LAMA2: variants seen among roughly 807,000 people sequenced by gnomAD.
LAMA2 encodes the protein laminin subunit alpha-2.
Under a neutral mutation model 364.8 loss-of-function variants are expected in LAMA2, and 269 were observed. The observed-to-expected ratio is 0.74, with a 90% CI of 0.67 to 0.82. The LOEUF is 0.82. Among genes scored for constraint, LAMA2 ranks in the 40% least tolerant of loss-of-function variants. The probability of loss-of-function intolerance (pLI) is 0.00; values close to 1 mark genes in which losing one functional copy is unlikely to be tolerated. For missense variants in LAMA2, 3,807 were observed against 3,873.2 expected, an observed-to-expected ratio of 0.98 and a Z score of 0.45; for synonymous variants, 1,379 against 1,370.6, an observed-to-expected ratio of 1.01 and a Z score of -0.14.
At chr6:129,194,183 A>G (rs1226975329) in intron 12 of LAMA2, among the ~76,000 whole-genome samples, 1 of 152,098 alleles carries the variant, frequency 6.6e-6, no homozygotes, top group Admixed American at 6.5e-5. Flanking sequence ...AAAATTGCCA[A>G]AAAAATATAA....
At chr6:128,973,882 C>T (rs950951539) in intron 1 of LAMA2, among the ~76,000 whole-genome samples, 52 of 152,234 alleles carry the variant, frequency 3.4e-4, no homozygotes, top group African/African-American at 1.2e-3. Flanking sequence ...GGATGGAGTT[C>T]GTGCTTTGTG....
chr6:129,344,276 A>G (rs937768520), intron 30 of LAMA2, among the ~76,000 whole-genome samples: 2 of 152,224 alleles, frequency 1.3e-5, no homozygotes, highest in Non-Finnish European at 2.9e-5. Context: ...AGTAGGTAAT[A>G]GTAATAAGAA....
intron 45 of LAMA2, among the ~76,000 whole-genome samples, chr6:129,447,762 G>T (rs991575526): frequency 2.6e-5 from 4 of 152,168 alleles, no homozygotes; most frequent in Non-Finnish European, 4.4e-5. Context: ...AGAAGAACGT[G>T]ATGTACCACT....
intron 27 of LAMA2, among the ~76,000 whole-genome samples, chr6:129,317,100 C>T (rs1406273638): frequency 6.6e-6 from 1 of 152,068 alleles, no homozygotes; most frequent in Non-Finnish European, 1.5e-5. Flanking sequence ...ACATCATGGA[C>T]CCTCATGGTC....
intron 1 of LAMA2, among the ~76,000 whole-genome samples, chr6:128,951,549 T>C (rs1206942463): frequency 6.6e-6 from 1 of 152,178 alleles, no homozygotes; most frequent in Non-Finnish European, 1.5e-5. Flanking sequence ...ATCAAGCCAG[T>C]CCACTGAACT....
rs532544626 is a variant in LAMA2, at chr6:129,066,596, A to G, written c.396+6700A>G. On this transcript the variant is annotated intron_variant, in intron 3 of 64. Coordinates refer to ENST00000421865, the MANE Select transcript of LAMA2 (RefSeq NM_000426.4). ...AATAAAAATAAATCCTAAATATTTT[A>G]TGGAACCACAAAAGGTGCTAAAGCA... is the stretch of plus-strand genomic sequence containing the variant. 6.2e-5 allele frequency among the ~76,000 whole-genome samples: 5 copies of G among 80,854 alleles called. No homozygotes were observed. In the South Asian group the frequency reaches 2.4e-3, roughly 39 times the overall value. 53.0% of individuals were successfully genotyped at this position (80,854 alleles called of 152,430 possible).
intron 22 of LAMA2, among the ~76,000 whole-genome samples, chr6:129,301,786 A>G (rs985119952): frequency 2.0e-5 from 3 of 152,030 alleles, no homozygotes; most frequent in African/African-American, 4.8e-5. Context: ...CTTGTGCCCC[A>G]TTGCAGTGAA....
At chr6:129,408,296 T>G (rs1028209054) in intron 40 of LAMA2, among the ~76,000 whole-genome samples, 1 of 152,170 alleles carries the variant, frequency 6.6e-6, no homozygotes, top group Non-Finnish European at 1.5e-5. Flanking sequence ...TATTGTCACC[T>G]AGTTGGCATT....
chr6:129,493,499 T>C (rs1784991872), intron 58 of LAMA2, among the ~76,000 whole-genome samples: 1 of 152,224 alleles, frequency 6.6e-6, no homozygotes, highest in South Asian at 2.1e-4. Flanking sequence ...CTATTTCTGT[T>C]TCCTCATCTG....
chr6:129,335,356 GTAGATAGATAGATAGA>G (rs35228622), intron 29 of LAMA2, among the ~76,000 whole-genome samples: 25 of 148,482 alleles, frequency 1.7e-4, no homozygotes, highest in Middle Eastern at 3.5e-3. Context: ...TAGTAAGTAG[GTAGATAGATAGATAGA>G]TAGATAGATA....
intron 9 of LAMA2, among the ~76,000 whole-genome samples, chr6:129,174,831 C>T (rs1474881334): frequency 6.7e-6 from 1 of 149,526 alleles, no homozygotes; most frequent in Non-Finnish European, 1.5e-5. Context: ...ATCTATCTAC[C>T]TACCTACCTA....
intron 1 of LAMA2, among the ~76,000 whole-genome samples, chr6:128,889,785 G>T (rs1374009973): frequency 1.3e-5 from 2 of 152,150 alleles, no homozygotes; most frequent in Non-Finnish European, 2.9e-5. Context: ...AAAGACATTT[G>T]CTTGTCAAAG....
intron 12 of LAMA2, among the ~76,000 whole-genome samples, chr6:129,242,006 G>A (rs893883750): frequency 5.3e-5 from 8 of 152,074 alleles, no homozygotes; most frequent in South Asian, 2.1e-4. Context: ...TGGGAAATAC[G>A]TTGTCTGCTA....
intron 47 of LAMA2, 38 bp downstream of exon 47, chr6:129,454,326 A>G: frequency 6.5e-7 from 1 of 1,537,324 alleles, no homozygotes; most frequent in East Asian, 2.3e-5. Flanking sequence ...ATTAAATGAT[A>G]GAATTTTGAA....
rs540462938 is a variant in LAMA2 at position 128,985,887 on chromosome 6, T to C, written c.113-64031T>C. 2.6e-5 allele frequency among the ~76,000 whole-genome samples: 4 copies of C among 152,318 alleles called. No homozygotes were observed. In the East Asian group the frequency reaches 7.7e-4, roughly 29 times the overall value. On this transcript the variant is annotated intron_variant, in intron 1 of 64. Coordinates refer to ENST00000421865, the MANE Select transcript of LAMA2 (RefSeq NM_000426.4). The stretch of plus-strand genomic sequence containing the variant: ...TTCATCCCATCAAATATTGACAAGC[T>C]ATTATTCTTTTACTATATATTGGCT...
intron 32 of LAMA2, among the ~76,000 whole-genome samples, chr6:129,355,678 T>A (rs562475356): frequency 2.6e-5 from 4 of 152,246 alleles, no homozygotes; most frequent in Admixed American, 2.6e-4. Context: ...GCAGTGCTTG[T>A]TGTTAGTATA....
chr6:129,284,661 G>A (rs546025115), intron 18 of LAMA2, among the ~76,000 whole-genome samples: 88 of 152,156 alleles, frequency 5.8e-4, no homozygotes, highest in African/African-American at 2.1e-3. Context: ...CTGAAAAAAT[G>A]ATGGGGCAGA....
chr6:129,102,347 G>C (rs960262646), intron 4 of LAMA2, among the ~76,000 whole-genome samples: 1 of 151,804 alleles, frequency 6.6e-6, no homozygotes, highest in African/African-American at 2.4e-5. Flanking sequence ...ATGTTGGTCA[G>C]GATGGTCTCG....
At chr6:128,887,617 G>A (rs1043602571) in intron 1 of LAMA2, among the ~76,000 whole-genome samples, 3 of 151,998 alleles carry the variant, frequency 2.0e-5, no homozygotes, top group South Asian at 4.2e-4. Flanking sequence ...TCCTGTAATC[G>A]CAGCACTTTG....
Sources: allele counts gnomAD v4.1 joint callset (sites outside exome capture counted in the v4.1 genomes callset), GRCh38; gene constraint gnomAD v4.1.1; transcripts MANE v1.5; gene names NCBI Gene and HGNC (gene_info 2026-07-23, HGNC 2026-07-21).